The following UPRT variants were observed in gnomAD, a reference collection of about 807,000 sequenced individuals.
UPRT encodes uracil phosphoribosyltransferase homolog.
In UPRT, 5 loss-of-function variants were observed where a neutral mutation model predicts 22.6. That is an observed-to-expected ratio of 0.22 (90% confidence interval 0.12 to 0.47). The LOEUF (loss-of-function observed/expected upper bound fraction) is 0.47. Among genes scored for constraint, UPRT ranks in the 20% least tolerant of loss-of-function variants. UPRT has a pLI of 0.99. For synonymous variants in UPRT, 77 were observed against 87.7 expected, an observed-to-expected ratio of 0.88 and a Z score of 0.68; for missense variants, 181 against 239.9, an observed-to-expected ratio of 0.75 and a Z score of 1.62.
At position 75,203,673 on chromosome X, in the gene UPRT, G is replaced by A. The variant is rs888413518; in HGVS notation, c.-447+35794G>A. Among the ~76,000 whole-genome samples the A allele has an allele frequency of 3.6e-5, 4 of 110,460 alleles. No individual in the cohort carries two copies. In the South Asian group the frequency reaches 1.5e-3, roughly 42 times the overall value. On this transcript the variant is annotated intron_variant, in intron 4 of 13. Coordinates refer to the UPRT transcript ENST00000652605. ...TATAGGCCTGGATGGGCAGGGTCTG[G>A]GGGGGCATGGGCTGCTGCCTGGAAA...
chrX:75,218,281 G>GA (rs2082399487), intron 4 of UPRT, among the ~76,000 whole-genome samples: 1 of 109,195 alleles, frequency 9.2e-6, no homozygotes, highest in Non-Finnish European at 1.9e-5. Flanking sequence ...AAAAACACAT[G>GA]AAAAAATGGT....
intron 4 of UPRT, among the ~76,000 whole-genome samples, chrX:75,216,736 C>A (rs141817898): frequency 2.7e-5 from 3 of 112,077 alleles, no homozygotes; most frequent in Non-Finnish European, 5.6e-5. Flanking sequence ...AAACTTTACC[C>A]TAGAGGAGAA....
intron 1 of UPRT, among the ~76,000 whole-genome samples, chrX:75,286,514 G>C (rs2082681607): frequency 9.0e-6 from 1 of 111,638 alleles, no homozygotes; most frequent in South Asian, 3.7e-4. Flanking sequence ...TAGGTGATAA[G>C]TCACAAGATT....
intron 4 of UPRT, among the ~76,000 whole-genome samples, chrX:75,268,163 A>T (rs2082596617): frequency 8.9e-6 from 1 of 111,836 alleles, no homozygotes; most frequent in South Asian, 3.7e-4. Context: ...TCTAGAAGAA[A>T]TGAATAAATT....
At chrX:75,197,698 A>G (rs2082336825) in intron 4 of UPRT, among the ~76,000 whole-genome samples, 2 of 112,221 alleles carry the variant, frequency 1.8e-5, no homozygotes, top group African/African-American at 6.5e-5. Context: ...AACTTAACAG[A>G]TGCTCTATAG....
At chrX:75,191,192 T>C (rs956181661) in intron 4 of UPRT, among the ~76,000 whole-genome samples, 2 of 112,607 alleles carry the variant, frequency 1.8e-5, no homozygotes, top group African/African-American at 6.5e-5. Flanking sequence ...GTTTTCCTTC[T>C]AACAATCAGG....
chrX:75,196,447 A>G (rs952278253), intron 4 of UPRT, among the ~76,000 whole-genome samples: 3 of 112,937 alleles, frequency 2.7e-5, no homozygotes, highest in Non-Finnish European at 5.6e-5. Flanking sequence ...CCCTGTTTCT[A>G]GCAATACAGT....
At chrX:75,232,189 G>A (rs2147643335) in intron 4 of UPRT, among the ~76,000 whole-genome samples, 1 of 112,229 alleles carries the variant, frequency 8.9e-6, no homozygotes, top group South Asian at 3.7e-4. Context: ...GACGGCACCT[G>A]GAAAATTGGG....
At chrX:75,237,163 G>T (rs886302909) in intron 4 of UPRT, among the ~76,000 whole-genome samples, 10 of 112,303 alleles carry the variant, frequency 8.9e-5, no homozygotes, top group African/African-American at 3.2e-4. Context: ...CTTCTCAAAA[G>T]AAGACATTTA....
intron 4 of UPRT, among the ~76,000 whole-genome samples, chrX:75,247,238 C>G (rs1336041140): frequency 9.0e-6 from 1 of 111,242 alleles, no homozygotes; most frequent in East Asian, 2.8e-4. Context: ...GGGTGCAGGA[C>G]AGTGGAAGCA....
At chrX:75,178,084 A>G (rs1005513024) in intron 4 of UPRT, among the ~76,000 whole-genome samples, 2 of 112,208 alleles carry the variant, frequency 1.8e-5, no homozygotes, top group African/African-American at 6.5e-5. Flanking sequence ...CCGGAGCTGC[A>G]TGGCTTTCCT....
intron 1 of UPRT, among the ~76,000 whole-genome samples, chrX:75,281,090 A>G (rs1335875880): frequency 1.8e-5 from 2 of 110,946 alleles, no homozygotes; most frequent in African/African-American, 6.5e-5. Context: ...TGTATAGAAG[A>G]GCTACTGATT....
At chrX:75,162,862 G>A (rs1397623883) in intron 2 of UPRT, among the ~76,000 whole-genome samples, 6 of 111,592 alleles carry the variant, frequency 5.4e-5, no homozygotes, top group African/African-American at 2.0e-4. Flanking sequence ...AGTACTGAAT[G>A]GTATGATGGC....
At chrX:75,238,383 AGAG>A (rs2082477185) in intron 4 of UPRT, among the ~76,000 whole-genome samples, 1 of 112,136 alleles carries the variant, frequency 8.9e-6, no homozygotes, top group Non-Finnish European at 1.9e-5. Flanking sequence ...AAACAGATAA[AGAG>A]GGGCATTATA....
intron 2 of UPRT, chrX:75,294,490 C>A: frequency 2.5e-6 from 2 of 809,618 alleles, no homozygotes; most frequent in Non-Finnish European, 1.5e-6. Context: ...GCTTCTTAGC[C>A]CCAAAGTTAT....
intron 4 of UPRT, among the ~76,000 whole-genome samples, chrX:75,181,585 G>A (rs751249183): frequency 3.3e-4 from 37 of 111,160 alleles, no homozygotes; most frequent in Non-Finnish European, 6.2e-4. Context: ...GTATTCTGAG[G>A]TATTTTATAC....
At chrX:75,213,607 A>G (rs1294155175) in intron 4 of UPRT, among the ~76,000 whole-genome samples, 2 of 111,879 alleles carry the variant, frequency 1.8e-5, no homozygotes, top group Admixed American at 9.5e-5. Context: ...ATAAACACAC[A>G]TATAGATAAA....
At chrX:75,178,031 T>C (rs1231265932) in intron 4 of UPRT, among the ~76,000 whole-genome samples, 1 of 111,212 alleles carries the variant, frequency 9.0e-6, no homozygotes, top group Non-Finnish European at 1.9e-5. Flanking sequence ...CTTGTGAGAG[T>C]TCCACTCATG....
chrX:75,170,113 C>A (rs1294370679), intron 4 of UPRT, among the ~76,000 whole-genome samples: 2 of 103,194 alleles, frequency 1.9e-5, no homozygotes, highest in Admixed American at 2.2e-4. Flanking sequence ...CTTGGCTCAG[C>A]AAAACCTCCG....
Sources: gnomAD v4.1 joint callset for allele counts (sites outside exome capture counted in the v4.1 genomes callset) on GRCh38, gnomAD v4.1.1 for gene constraint, MANE v1.5 for transcripts, NCBI Gene and HGNC (gene_info 2026-07-23, HGNC 2026-07-21) for gene names.